DCDC2: variants seen among roughly 807,000 people sequenced by gnomAD.
DCDC2 encodes the protein doublecortin domain-containing protein 2.
In DCDC2, 40 loss-of-function variants were observed where a neutral mutation model predicts 50.2. The observed-to-expected ratio is 0.80, with a 90% CI of 0.62 to 1.04. The LOEUF is 1.04. Among genes scored for constraint, DCDC2 ranks in the 50% least tolerant of loss-of-function variants. The pLI, the probability that DCDC2 is intolerant of heterozygous loss-of-function variation, is 0.00. For synonymous variants in DCDC2, 234 were observed against 210.6 expected (o/e 1.11, Z -0.96); for missense variants, 570 against 581.9 (o/e 0.98, Z 0.21).
At chr6:24,180,011 C>A (rs1009338279) in intron 8 of DCDC2, among the ~76,000 whole-genome samples, 1 of 150,996 alleles carries the variant, frequency 6.6e-6, no homozygotes, top group Non-Finnish European at 1.5e-5. Flanking sequence ...GCTTTCAGAG[C>A]CAAGACTTTG....
At chr6:24,221,931 T>C (rs1762128667) in intron 7 of DCDC2, among the ~76,000 whole-genome samples, 1 of 152,158 alleles carries the variant, frequency 6.6e-6, no homozygotes, top group South Asian at 2.1e-4. Context: ...TCTGAACACA[T>C]GTTTTAAGAG....
At chr6:24,373,734 A>C in the DCDC2 span, among the ~76,000 whole-genome samples, 15 of 152,284 alleles carry the variant, frequency 9.9e-5, no homozygotes, top group East Asian at 2.3e-3. Context: ...TATTATTGTT[A>C]ATGCTTTATG....
At chr6:24,375,419 T>C in the DCDC2 span, among the ~76,000 whole-genome samples, 1 of 150,142 alleles carries the variant, frequency 6.7e-6, no homozygotes, top group African/African-American at 2.5e-5. Flanking sequence ...CTGTGTAAAC[T>C]CCCCCCCCCA....
intron 2 of DCDC2, among the ~76,000 whole-genome samples, chr6:24,312,156 C>T (rs934066957): frequency 2.6e-5 from 4 of 151,184 alleles, no homozygotes; most frequent in African/African-American, 9.8e-5. Context: ...AACAACTCCC[C>T]TTAACTGCAA....
chr6:24,182,288 C>A (rs1451818949), intron 8 of DCDC2, among the ~76,000 whole-genome samples: 34 of 151,570 alleles, frequency 2.2e-4, no homozygotes, highest in Non-Finnish European at 1.5e-5. Flanking sequence ...AAGACACAGG[C>A]AACAAAAAAA....
At chr6:24,231,994 C>CAT (rs755739865) in intron 7 of DCDC2, among the ~76,000 whole-genome samples, 170 of 113,184 alleles carry the variant, frequency 1.5e-3, no homozygotes, top group Non-Finnish European at 2.2e-3. Flanking sequence ...TTAGTAATTT[C>CAT]ATATATATAT....
intron 9 of DCDC2, among the ~76,000 whole-genome samples, chr6:24,176,015 G>A (rs769825010): frequency 5.3e-5 from 8 of 152,018 alleles, no homozygotes; most frequent in Non-Finnish European, 7.4e-5. Flanking sequence ...TAATTAGGCC[G>A]GGCATGGTGG....
At chr6:24,237,601 C>T (rs142919472) in intron 7 of DCDC2, among the ~76,000 whole-genome samples, 1 of 152,182 alleles carries the variant, frequency 6.6e-6, no homozygotes, top group Non-Finnish European at 1.5e-5. Flanking sequence ...ATCCTTCTAT[C>T]GAAATGACAT....
At chr6:24,198,017 T>C (rs1277956305) in intron 8 of DCDC2, among the ~76,000 whole-genome samples, 1 of 152,144 alleles carries the variant, frequency 6.6e-6, no homozygotes, top group Non-Finnish European at 1.5e-5. Context: ...TGAGTACGTA[T>C]ATACTCACAC....
At chr6:24,301,098 T>G (rs192857822) in intron 4 of DCDC2, among the ~76,000 whole-genome samples, 84 of 149,856 alleles carry the variant, frequency 5.6e-4, no homozygotes, top group East Asian at 2.4e-3. Flanking sequence ...TGGGCCGGGC[T>G]TGGTGGCTCA....
chr6:24,290,940 C>G lies in DCDC2; in HGVS notation c.696G>C (p.Arg232Ser), dbSNP rs758802517. Residue 232 changes from arginine (R) to serine (S), a missense_variant, in exon 5 of 10, where the codon AGG becomes AGC. Physicochemically the swap from Arg to Ser is moderately radical, Grantham distance 110. Coordinates refer to ENST00000378454, the MANE Select transcript of DCDC2 (RefSeq NM_016356.5). ...TAAGGAGTAAGACTTACCCAAAAGG[C>G]CTTCTCATCGTTGACTTGTCAAAAA... Reference protein sequence around the residue: ...ELLFDKSTMRRPFGQKASSLP... With the variant: ...ELLFDKSTMRSPFGQKASSLP... The G allele has an allele frequency of 6.2e-7, 1 of 1,613,204 alleles. No individual in the cohort carries two copies. Among genetic ancestry groups the G allele is most frequent in the African/African-American group, 1.3e-5 (1 of 74,846 alleles).
chr6:24,352,701 G>T (rs928687535), intron 2 of DCDC2, among the ~76,000 whole-genome samples: 1 of 152,144 alleles, frequency 6.6e-6, no homozygotes, highest in African/African-American at 2.4e-5. Context: ...AGAGGAAATG[G>T]TGAGTGTTGA....
At position 24,335,932 on chromosome 6, in the gene DCDC2, G is replaced by A. The variant is rs146055731; in HGVS notation, c.348+17637C>T. Among the ~76,000 whole-genome samples, 767 of 152,256 alleles carry A rather than the reference G, an allele frequency of 5.0e-3. 13 individuals carry two copies. Among genetic ancestry groups the A allele is most frequent in the African/African-American group, 0.016 (676 of 41,544 alleles). The stretch of plus-strand genomic sequence containing the variant: ...GGGATTACAACGAGATTTGGGTGGG[G>A]ACACAGAGCCAAACCATATCACCTA... On this transcript the variant is annotated intron_variant, in intron 2 of 9. Transcript: ENST00000378454.
In DCDC2 at chr6:24,225,958, T is replaced by C. The variant is rs540287738; in HGVS notation, c.923-20856A>G. On this transcript the variant is annotated intron_variant, in intron 7 of 9. Coordinates refer to ENST00000378454, the MANE Select transcript of DCDC2 (RefSeq NM_016356.5). Reference sequence around the variant, plus strand: ...TACACACCATTGTGAACCATTTACATCTAATATTTTAGCCTACAAGTCTGT... The same window carrying C: ...TACACACCATTGTGAACCATTTACACCTAATATTTTAGCCTACAAGTCTGT... Among the ~76,000 whole-genome samples the C allele has an allele frequency of 2.0e-5, 3 of 152,310 alleles. No individual in the cohort carries two copies. In the East Asian group the frequency reaches 5.8e-4, roughly 29 times the overall value.
rs1760846462 is a variant in DCDC2 at position 24,174,053 on chromosome 6, G to A, written c.*677C>T. 1 of 152,124 alleles carries A rather than the reference G, an allele frequency of 6.6e-6. No homozygotes were observed. The highest frequency in any genetic ancestry group is 6.5e-5 in the Admixed American group (1 of 15,272). The allele number at this position is 152,124 out of a possible 1,614,324, so 9.4% of individuals were successfully genotyped here. A position where few individuals can be genotyped will look rare whatever the true frequency, so the allele number is the denominator to read the frequency against. On this transcript the variant is annotated 3_prime_UTR_variant, in exon 10 of 10. Transcript: ENST00000378454. ...GCTCCTTTACAATTCCTTCCTGAGT[G>A]TGCGCCATTGGAGCCACAAGCATGC... is the stretch of plus-strand genomic sequence containing the variant.
At chr6:24,260,058 G>A (rs564422396) in intron 7 of DCDC2, among the ~76,000 whole-genome samples, 105 of 152,314 alleles carry the variant, frequency 6.9e-4, no homozygotes, top group South Asian at 2.9e-3. Context: ...ATTAGAATAA[G>A]AAATGATTCT....
intron 7 of DCDC2, among the ~76,000 whole-genome samples, chr6:24,253,666 C>G (rs927937512): frequency 1.3e-5 from 2 of 151,946 alleles, no homozygotes; most frequent in African/African-American, 4.8e-5. Context: ...ACTTGTGCTT[C>G]TAAACATAGA....
intron 2 of DCDC2, among the ~76,000 whole-genome samples, chr6:24,343,908 G>C (rs1760206577): frequency 6.6e-6 from 1 of 152,168 alleles, no homozygotes; most frequent in South Asian, 2.1e-4. Flanking sequence ...TGGGCACGCT[G>C]TGGGATGATT....
At chr6:24,328,899 C>T (rs190145864) in intron 2 of DCDC2, among the ~76,000 whole-genome samples, 34 of 152,270 alleles carry the variant, frequency 2.2e-4, no homozygotes, top group African/African-American at 8.2e-4. Flanking sequence ...TCATCAACAT[C>T]ATGTATCCGA....
Sources: allele counts gnomAD v4.1 joint callset (sites outside exome capture counted in the v4.1 genomes callset), GRCh38; gene constraint gnomAD v4.1.1; transcripts MANE v1.5; gene names NCBI Gene and HGNC (gene_info 2026-07-23, HGNC 2026-07-21).